MARCHF1: variants seen among roughly 807,000 people sequenced by gnomAD.
MARCHF1 encodes membrane associated ring-CH-type finger 1.
A neutral mutation model predicts 54.2 loss-of-function variants in MARCHF1; 40 were observed. That is an observed-to-expected ratio of 0.74 (90% CI 0.57 to 0.96). The LOEUF (loss-of-function observed/expected upper bound fraction) is 0.96, where lower values mean the gene tolerates loss of function less well. Ranked by LOEUF, MARCHF1 falls within the 40% of genes least tolerant of loss-of-function variation. The probability of loss-of-function intolerance (pLI) is 0.00; values close to 1 mark genes in which losing one functional copy is unlikely to be tolerated. For missense variants in MARCHF1, 586 were observed against 656.5 expected, an observed-to-expected ratio of 0.89 and a Z score of 1.17; for synonymous variants, 236 against 236.3, an observed-to-expected ratio of 1.00 and a Z score of 0.01.
chr4:164,025,238 A>G (rs1753741431), intron 2 of MARCHF1, among the ~76,000 whole-genome samples: 1 of 152,054 alleles, frequency 6.6e-6, no homozygotes. Context: ...ATCAATTGAA[A>G]CTAATAGACA....
At chr4:164,110,685 G>A (rs1467022527) in intron 2 of MARCHF1, among the ~76,000 whole-genome samples, 2 of 140,652 alleles carry the variant, frequency 1.4e-5, no homozygotes, top group Non-Finnish European at 3.1e-5. Context: ...TTTTTCTCTT[G>A]TGAAAAAAAG....
chr4:164,197,648 G>A, intron 1 of MARCHF1: 1 of 1,612,918 alleles, frequency 6.2e-7, no homozygotes, highest in South Asian at 1.1e-5. Context: ...TCCAGGGCAA[G>A]TTCTTTCACA....
rs574744672 is a variant in MARCHF1, at chr4:163,867,800, C to T, written c.-38-13631G>A. 9.2e-5 allele frequency among the ~76,000 whole-genome samples: 13 copies of T among 141,922 alleles called. No individual in the cohort carries two copies. In the East Asian group the frequency reaches 2.5e-3, roughly 28 times the overall value. 93.1% of individuals were successfully genotyped at this position (141,922 alleles called of 152,430 possible). A position where few individuals can be genotyped will look rare whatever the true frequency, so the allele number is the denominator to read the frequency against. ...TTCAAAGTGATAATAGCTATATCAA[C>T]TTTCATCAATTTCCTTTTTTTTTTT... On this transcript the variant is annotated intron_variant, in intron 3 of 9. Transcript: ENST00000514618.
intron 2 of MARCHF1, among the ~76,000 whole-genome samples, chr4:164,098,375 G>C: frequency 6.6e-6 from 1 of 152,118 alleles, no homozygotes; most frequent in South Asian, 2.1e-4. Flanking sequence ...CTGAAATAGA[G>C]AACAAAAAAC....
At chr4:164,176,970 CTCT>C (rs1358975603) in intron 1 of MARCHF1, among the ~76,000 whole-genome samples, 30 of 57,414 alleles carry the variant, frequency 5.2e-4, no homozygotes, top group South Asian at 7.3e-4. Flanking sequence ...CTCTCTCTCT[CTCT>C]CTCTCTCTAT....
At chr4:164,048,446 T>C (rs1045331819) in intron 2 of MARCHF1, among the ~76,000 whole-genome samples, 1 of 152,152 alleles carries the variant, frequency 6.6e-6, no homozygotes, top group African/African-American at 2.4e-5. Flanking sequence ...TTGTCTATTT[T>C]AGAAAAATCA....
At position 164,024,023 on chromosome 4, in the gene MARCHF1, G is replaced by GA. The variant is rs1285797378; in HGVS notation, c.-247-35315dup. On this transcript the variant is annotated intron_variant, in intron 2 of 9. Transcript: ENST00000514618. ...AAAATCACTTCTTTAAATAAAGTCA[G>GA]AAAAAAAATACAGAAAAAAGAATTT... 1.3e-4 allele frequency among the ~76,000 whole-genome samples: 20 copies of GA among 151,638 alleles called. No homozygotes were observed. In the East Asian group the frequency reaches 1.7e-3, roughly 13 times the overall value.
At chr4:164,096,089 C>G (rs1200082557) in intron 2 of MARCHF1, among the ~76,000 whole-genome samples, 1 of 152,154 alleles carries the variant, frequency 6.6e-6, no homozygotes, top group East Asian at 1.9e-4. Flanking sequence ...GGAAATAAAT[C>G]ATTCTACCTA....
chr4:163,790,001 C>T (rs1747730710), intron 4 of MARCHF1, among the ~76,000 whole-genome samples: 1 of 151,980 alleles, frequency 6.6e-6, no homozygotes, highest in Non-Finnish European at 1.5e-5. Context: ...GTAAGTATAA[C>T]TACACAAAAA....
intron 5 of MARCHF1, among the ~76,000 whole-genome samples, chr4:163,679,078 A>G (rs1297020698): frequency 6.6e-6 from 1 of 152,232 alleles, no homozygotes; most frequent in Non-Finnish European, 1.5e-5. Flanking sequence ...AGTTGTGGCC[A>G]TAAATCATTA....
At chr4:163,835,247 T>C (rs1473417263) in intron 4 of MARCHF1, among the ~76,000 whole-genome samples, 1 of 149,690 alleles carries the variant, frequency 6.7e-6, no homozygotes, top group Non-Finnish European at 1.5e-5. Context: ...CAGGATAGCA[T>C]TCTTCTTATC....
chr4:164,247,610 TAAA>T (rs56892152), intron 1 of MARCHF1, among the ~76,000 whole-genome samples: 247 of 130,346 alleles, frequency 1.9e-3, no homozygotes, highest in African/African-American at 7.0e-3. Flanking sequence ...AGTATAATAA[TAAA>T]AAAAAAAAAG....
At chr4:163,535,261 T>A (rs897814029) in intron 9 of MARCHF1, among the ~76,000 whole-genome samples, 11 of 152,100 alleles carry the variant, frequency 7.2e-5, no homozygotes, top group African/African-American at 2.7e-4. Flanking sequence ...AAAGAAAATA[T>A]CAGGCTGATA....
chr4:164,151,881 A>T (rs940914581), intron 1 of MARCHF1, among the ~76,000 whole-genome samples: 22 of 152,118 alleles, frequency 1.4e-4, no homozygotes, highest in Admixed American at 1.2e-3. Flanking sequence ...AGCTTTCTTG[A>T]CCTTTCCAAT....
intron 5 of MARCHF1, among the ~76,000 whole-genome samples, chr4:163,615,973 A>T (rs1056492821): frequency 2.6e-5 from 4 of 152,152 alleles, no homozygotes; most frequent in African/African-American, 9.7e-5. Context: ...CTTACATTGG[A>T]AAAAGGACAT....
intron 4 of MARCHF1, among the ~76,000 whole-genome samples, chr4:163,707,403 G>T (rs1057101886): frequency 6.6e-6 from 1 of 151,920 alleles, no homozygotes; most frequent in Non-Finnish European, 1.5e-5. Context: ...ATGAGCAAGA[G>T]ATAGAAACAG....
intron 3 of MARCHF1, among the ~76,000 whole-genome samples, chr4:163,896,484 T>C (rs891929411): frequency 1.3e-5 from 2 of 152,208 alleles, no homozygotes; most frequent in Non-Finnish European, 2.9e-5. Context: ...TCTAATGATA[T>C]TCACTCCCTT....
At chr4:164,272,140 C>T (rs9799824) in intron 1 of MARCHF1, among the ~76,000 whole-genome samples, 57,839 of 151,442 alleles carry the variant, frequency 0.38, 14,254 homozygotes, top group African/African-American at 0.65. Context: ...TTAACAGAGA[C>T]GGGAAGTAAC....
intron 5 of MARCHF1, among the ~76,000 whole-genome samples, chr4:163,631,463 C>T (rs529400235): frequency 6.6e-6 from 1 of 152,106 alleles, no homozygotes; most frequent in Non-Finnish European, 1.5e-5. Flanking sequence ...AAAGTGCTGG[C>T]ATTACAGGTA....
Sources: allele counts gnomAD v4.1 joint callset (sites outside exome capture counted in the v4.1 genomes callset), GRCh38; gene constraint gnomAD v4.1.1; transcripts MANE v1.5; gene names NCBI Gene and HGNC (gene_info 2026-07-23, HGNC 2026-07-21).